The following MACROD2 variants were observed in gnomAD, a reference collection of about 807,000 sequenced individuals.
MACROD2 encodes mono-ADP ribosylhydrolase 2.
In MACROD2, 36 loss-of-function variants were observed where a neutral mutation model predicts 70.4. The observed-to-expected ratio is 0.51, with a 90% CI of 0.39 to 0.68. The LOEUF (loss-of-function observed/expected upper bound fraction) is 0.68, where lower values mean the gene tolerates loss of function less well. Among genes scored for constraint, MACROD2 ranks in the 30% least tolerant of loss-of-function variants. MACROD2 has a pLI of 0.00. For synonymous variants in MACROD2, 172 were observed against 178.8 expected (o/e 0.96, Z 0.30); for missense variants, 496 against 538.4 (o/e 0.92, Z 0.78).
chr20:15,028,038 A>G lies in MACROD2; in HGVS notation c.419-201902A>G, dbSNP rs1021026099. Among the ~76,000 whole-genome samples, 5 of 152,290 alleles carry G rather than the reference A, an allele frequency of 3.3e-5. No homozygotes were observed. In the South Asian group the frequency reaches 1.0e-3, roughly 32 times the overall value. ...TTCCCAAGCTCTTCTTCACACTGCA[A>G]GGGCCTCCCAGATGATGCATGAAGA... is the stretch of plus-strand genomic sequence containing the variant. On this transcript the variant is annotated intron_variant, in intron 5 of 17. Coordinates refer to ENST00000684519, the MANE Select transcript of MACROD2 (RefSeq NM_001351661.2).
chr20:15,617,495 T>C (rs2049055293), intron 8 of MACROD2, among the ~76,000 whole-genome samples: 1 of 152,238 alleles, frequency 6.6e-6, no homozygotes, highest in Admixed American at 6.5e-5. Flanking sequence ...GGTTGCCCTA[T>C]GTTTCAAAAC....
intron 3 of MACROD2, among the ~76,000 whole-genome samples, chr20:14,305,251 C>A (rs372256573): frequency 6.6e-6 from 1 of 152,042 alleles, no homozygotes. Flanking sequence ...TTTCTATTCC[C>A]TTCTCCTGCC....
chr20:14,209,083 ATT>A (rs2081549337), intron 3 of MACROD2, among the ~76,000 whole-genome samples: 1 of 152,218 alleles, frequency 6.6e-6, no homozygotes. Context: ...TTCTGTAAAT[ATT>A]TGATGAATGT....
intron 8 of MACROD2, among the ~76,000 whole-genome samples, chr20:15,783,298 A>G (rs2051866653): frequency 6.6e-6 from 1 of 152,100 alleles, no homozygotes; most frequent in Non-Finnish European, 1.5e-5. Context: ...CTAATTAGCA[A>G]AGTGGAAAGG....
chr20:15,595,797 T>C (rs1048550547), intron 8 of MACROD2, among the ~76,000 whole-genome samples: 2 of 152,192 alleles, frequency 1.3e-5, no homozygotes, highest in African/African-American at 4.8e-5. Context: ...GTGATGTGTG[T>C]AAATGCTTTG....
In MACROD2 at chr20:14,629,067, G is replaced by A. The variant is rs76652953; in HGVS notation, c.302-55776G>A. Among the ~76,000 whole-genome samples, 201 of 152,244 alleles carry A rather than the reference G, an allele frequency of 1.3e-3. 1 individual carries two copies. In the East Asian group the frequency reaches 0.018, roughly 13 times the overall value. On this transcript the variant is annotated intron_variant, in intron 4 of 17. Coordinates refer to ENST00000684519, the MANE Select transcript of MACROD2 (RefSeq NM_001351661.2). The stretch of plus-strand genomic sequence containing the variant: ...CTAATATGCCATATGCATCACGGCC[G>A]TAGGAAAATAGGCGTACCACTTGTC...
chr20:15,138,029 T>C (rs910585507), intron 5 of MACROD2, among the ~76,000 whole-genome samples: 8 of 152,148 alleles, frequency 5.3e-5, no homozygotes, highest in Non-Finnish European at 8.8e-5. Context: ...AACTAATCAA[T>C]ATTGACTGAC....
chr20:15,537,432 A>G (rs983311527), intron 8 of MACROD2, among the ~76,000 whole-genome samples: 7 of 144,648 alleles, frequency 4.8e-5, no homozygotes, highest in Non-Finnish European at 9.1e-5. Flanking sequence ...GTCACCAGGG[A>G]TAGTCTTTCA....
At chr20:15,906,184 A>AC (rs1237832499) in intron 10 of MACROD2, among the ~76,000 whole-genome samples, 18 of 152,174 alleles carry the variant, frequency 1.2e-4, no homozygotes, top group East Asian at 5.8e-4. Flanking sequence ...GCAAACTGCC[A>AC]CCCTTGGGAG....
intron 8 of MACROD2, among the ~76,000 whole-genome samples, chr20:15,856,811 A>G (rs1358340526): frequency 1.3e-5 from 2 of 152,230 alleles, no homozygotes; most frequent in African/African-American, 4.8e-5. Context: ...CAGCTTGTTC[A>G]TAAAAGAGCA....
At chr20:15,366,030 G>T (rs2045404110) in intron 6 of MACROD2, among the ~76,000 whole-genome samples, 1 of 152,168 alleles carries the variant, frequency 6.6e-6, no homozygotes, top group Non-Finnish European at 1.5e-5. Context: ...AAGTAATAGA[G>T]ATATAGGAAT....
intron 4 of MACROD2, among the ~76,000 whole-genome samples, chr20:14,657,267 A>C (rs936800843): frequency 1.3e-5 from 2 of 152,218 alleles, no homozygotes; most frequent in African/African-American, 2.4e-5. Context: ...TAAGCGTGCT[A>C]TTACTTATTC....
chr20:15,413,002 A>G (rs1200393344), intron 6 of MACROD2, among the ~76,000 whole-genome samples: 1 of 152,204 alleles, frequency 6.6e-6, no homozygotes, highest in Non-Finnish European at 1.5e-5. Context: ...AATACTGCAT[A>G]TTATCATTCA....
chr20:14,199,697 T>C (rs139728308), intron 3 of MACROD2, among the ~76,000 whole-genome samples: 1,762 of 152,342 alleles, frequency 0.012, 32 homozygotes, highest in African/African-American at 0.04. Flanking sequence ...ATGTTCTTAA[T>C]TTTAAATGAC....
At chr20:14,002,494 G>T (rs1224287683) in intron 2 of MACROD2, 90 bp downstream of exon 2, 2 of 718,666 alleles carry the variant, frequency 2.8e-6, no homozygotes, top group East Asian at 2.6e-5. Context: ...TCAATAAAGA[G>T]ATTACTATTT....
intron 8 of MACROD2, among the ~76,000 whole-genome samples, chr20:15,602,821 G>A (rs1035664524): frequency 6.6e-6 from 1 of 152,036 alleles, no homozygotes; most frequent in African/African-American, 2.4e-5. Context: ...AATAATTGTT[G>A]ATAACCCTGC....
intron 5 of MACROD2, among the ~76,000 whole-genome samples, chr20:14,973,835 A>G (rs891039504): frequency 6.6e-6 from 1 of 152,190 alleles, no homozygotes; most frequent in Non-Finnish European, 1.5e-5. Flanking sequence ...GTTTAGTAGA[A>G]GTCAAAGACA....
At chr20:15,260,475 A>G (rs760818425) in intron 6 of MACROD2, among the ~76,000 whole-genome samples, 13 of 151,950 alleles carry the variant, frequency 8.6e-5, no homozygotes, top group African/African-American at 2.7e-4. Context: ...ATTATTTTTA[A>G]TGGCTTAATA....
intron 5 of MACROD2, among the ~76,000 whole-genome samples, chr20:14,867,070 G>T (rs1290991042): frequency 6.6e-6 from 1 of 152,074 alleles, no homozygotes; most frequent in African/African-American, 2.4e-5. Context: ...TTCTGTCATT[G>T]TGTGCATTCC....
Sources: allele counts gnomAD v4.1 joint callset (sites outside exome capture counted in the v4.1 genomes callset), GRCh38; gene constraint gnomAD v4.1.1; transcripts MANE v1.5; gene names NCBI Gene and HGNC (gene_info 2026-07-23, HGNC 2026-07-21).